SLC9A9: variants seen among roughly 807,000 people sequenced by gnomAD.
SLC9A9 encodes the protein solute carrier family 9 member A9, also known as sodium/hydrogen exchanger 9.
SLC9A9 carries 62 observed loss-of-function variants against 77.8 expected under a neutral mutation model. The ratio of observed to expected loss-of-function variants is 0.80; its 90% CI spans 0.65 to 0.98. SLC9A9 has a LOEUF of 0.98. SLC9A9 is among the 50% of genes least tolerant of loss of function. The pLI, the probability that SLC9A9 is intolerant of heterozygous loss-of-function variation, is 0.00. For missense variants in SLC9A9, 775 were observed against 774.9 expected, an observed-to-expected ratio of 1.00 and a Z score of 0.00; for synonymous variants, 320 against 283.5, an observed-to-expected ratio of 1.13 and a Z score of -1.29.
Position 143,714,209 on chromosome 3 carries a change from T to A in SLC9A9, c.534-20902A>T, listed in dbSNP as rs1433998784. On this transcript the variant is annotated intron_variant, in intron 4 of 15. Transcript: ENST00000316549. ...AGTCTAGCAGCCTCTCTATCACATT[T>A]AACACGAAGGATCCTTTTCTGGCTT... Among the ~76,000 whole-genome samples, 4 of 152,272 alleles carry A rather than the reference T, an allele frequency of 2.6e-5. No individual in the cohort carries two copies. In the East Asian group the frequency reaches 7.7e-4, roughly 29 times the overall value.
At chr3:143,555,299 G>T (rs918356342) in intron 8 of SLC9A9, among the ~76,000 whole-genome samples, 20 of 152,086 alleles carry the variant, frequency 1.3e-4, no homozygotes, top group African/African-American at 4.3e-4. Context: ...GTGGAACTTT[G>T]AGTCCATTAA....
At chr3:143,728,600 T>C (rs907386981) in intron 4 of SLC9A9, among the ~76,000 whole-genome samples, 2 of 152,072 alleles carry the variant, frequency 1.3e-5, no homozygotes, top group African/African-American at 4.8e-5. Context: ...GGAAGGTGTG[T>C]GGCCTGTTTT....
At chr3:143,716,121 T>A (rs1053399403) in intron 4 of SLC9A9, among the ~76,000 whole-genome samples, 1 of 152,112 alleles carries the variant, frequency 6.6e-6, no homozygotes, top group African/African-American at 2.4e-5. Context: ...GTTGCCCAGG[T>A]TGGATTGCAG....
rs1436450649 is a variant in SLC9A9, at chr3:143,728,610, T to C, written c.534-35303A>G. On this transcript the variant is annotated intron_variant, in intron 4 of 15. Transcript: ENST00000316549. ...GCATGGGAAGGTGTGTGGCCTGTTT[T>C]TTCAGAAGGTTGCTGTGGCTGCTGA... 3.3e-5 allele frequency among the ~76,000 whole-genome samples: 5 copies of C among 152,094 alleles called. No individual in the cohort carries two copies. The East Asian group carries it at 9.6e-4, about 29-fold the overall frequency.
At chr3:143,844,709 TTCTCTTTC>T (rs1184026636) in intron 1 of SLC9A9, among the ~76,000 whole-genome samples, 17 of 148,950 alleles carry the variant, frequency 1.1e-4, no homozygotes, top group Non-Finnish European at 2.2e-4. Context: ...TTAACTTTCT[TTCTCTTTC>T]TTTCTTTCTT....
At chr3:143,730,537 G>A (rs150447846) in intron 4 of SLC9A9, among the ~76,000 whole-genome samples, 2 of 152,184 alleles carry the variant, frequency 1.3e-5, no homozygotes, top group East Asian at 1.9e-4. Context: ...TGCATGACCC[G>A]TATGACCTAA....
intron 4 of SLC9A9, among the ~76,000 whole-genome samples, chr3:143,739,191 T>C (rs2108815540): frequency 6.6e-6 from 1 of 152,282 alleles, no homozygotes; most frequent in Admixed American, 6.5e-5. Flanking sequence ...AGTCACCTCA[T>C]TACTGTAAAT....
chr3:143,677,860 T>C (rs1008249486), intron 5 of SLC9A9, among the ~76,000 whole-genome samples: 3 of 140,962 alleles, frequency 2.1e-5, no homozygotes, highest in African/African-American at 8.0e-5. Context: ...AGAGTCTCGC[T>C]CTGTCGCCCA....
chr3:143,324,764 G>T (rs937617220), intron 14 of SLC9A9, among the ~76,000 whole-genome samples: 3 of 152,170 alleles, frequency 2.0e-5, no homozygotes, highest in African/African-American at 7.2e-5. Context: ...CAAGGTTGCA[G>T]TGAGCCACGA....
At chr3:143,444,712 G>C (rs1009966036) in intron 12 of SLC9A9, among the ~76,000 whole-genome samples, 3 of 152,174 alleles carry the variant, frequency 2.0e-5, no homozygotes, top group African/African-American at 7.2e-5. Context: ...GGGTGAAGGG[G>C]CAATCTTCTT....
chr3:143,391,928 C>T (rs181189608), intron 12 of SLC9A9, among the ~76,000 whole-genome samples: 132 of 152,222 alleles, frequency 8.7e-4, no homozygotes, highest in African/African-American at 3.1e-3. Flanking sequence ...ATGAACAAAG[C>T]CTCCAAGAAA....
chr3:143,356,899 G>C (rs2032607810), intron 14 of SLC9A9, among the ~76,000 whole-genome samples: 1 of 152,102 alleles, frequency 6.6e-6, no homozygotes, highest in Non-Finnish European at 1.5e-5. Flanking sequence ...CACCTGTAAG[G>C]ATATGGATGA....
chr3:143,632,938 C>T (rs2038451522), intron 6 of SLC9A9, among the ~76,000 whole-genome samples: 1 of 152,198 alleles, frequency 6.6e-6, no homozygotes, highest in Admixed American at 6.5e-5. Flanking sequence ...AGTTAAACAA[C>T]TGGTTGGTTG....
At chr3:143,535,760 TACAC>T (rs2036580147) in intron 9 of SLC9A9, among the ~76,000 whole-genome samples, 1 of 152,208 alleles carries the variant, frequency 6.6e-6, no homozygotes, top group African/African-American at 2.4e-5. Flanking sequence ...TAACTTTAAA[TACAC>T]ATTTGATTCT....
chr3:143,293,613 T>C (rs775085230), intron 14 of SLC9A9, among the ~76,000 whole-genome samples: 1 of 152,206 alleles, frequency 6.6e-6, no homozygotes, highest in Non-Finnish European at 1.5e-5. Flanking sequence ...ATTGTGGAAG[T>C]TCACTTTCTG....
At chr3:143,474,453 C>T (rs562120443) in intron 11 of SLC9A9, among the ~76,000 whole-genome samples, 111 of 151,986 alleles carry the variant, frequency 7.3e-4, no homozygotes, top group African/African-American at 1.8e-3. Flanking sequence ...TTAGTCCAGG[C>T]GAGAAGTGAA....
At chr3:143,568,586 T>C (rs1302154627) in intron 8 of SLC9A9, among the ~76,000 whole-genome samples, 6 of 152,188 alleles carry the variant, frequency 3.9e-5, no homozygotes, top group Admixed American at 3.9e-4. Context: ...CCAGAGGATG[T>C]GTAAAATCTG....
intron 6 of SLC9A9, among the ~76,000 whole-genome samples, chr3:143,610,762 A>G (rs534838231): frequency 6.6e-6 from 1 of 152,140 alleles, no homozygotes; most frequent in Non-Finnish European, 1.5e-5. Flanking sequence ...CTATGAGAGA[A>G]ATTATCTGGA....
At chr3:143,706,302 T>G (rs1173335136) in intron 4 of SLC9A9, among the ~76,000 whole-genome samples, 5 of 152,252 alleles carry the variant, frequency 3.3e-5, no homozygotes, top group Non-Finnish European at 2.9e-5. Context: ...CCTGTCCTGA[T>G]TGAGCTGTAG....
Sources: gnomAD v4.1 joint callset for allele counts (sites outside exome capture counted in the v4.1 genomes callset) on GRCh38, gnomAD v4.1.1 for gene constraint, MANE v1.5 for transcripts, NCBI Gene and HGNC (gene_info 2026-07-23, HGNC 2026-07-21) for gene names.